Variants in PUS7 observed in about 807,000 individuals in gnomAD.
PUS7 encodes the protein pseudouridylate synthase 7 homolog.
In PUS7, 48 loss-of-function variants were observed where a neutral mutation model predicts 79.8. That is an observed-to-expected ratio of 0.60 (90% CI 0.48 to 0.76). The LOEUF is 0.76. Among genes scored for constraint, PUS7 ranks in the 30% least tolerant of loss-of-function variants. PUS7 has a pLI of 0.00. For synonymous variants in PUS7, 286 were observed against 272.2 expected (o/e 1.05, Z -0.50); for missense variants, 729 against 797.6 (o/e 0.91, Z 1.04).
At chr7:105,479,861 G>T (rs1228175161) in intron 9 of PUS7, among the ~76,000 whole-genome samples, 4 of 151,958 alleles carry the variant, frequency 2.6e-5, no homozygotes, top group African/African-American at 9.7e-5. Context: ...AGCTGGGTGA[G>T]GTGGTGCATG....
intron 9 of PUS7, among the ~76,000 whole-genome samples, chr7:105,479,431 C>T (rs746503582): frequency 2.6e-5 from 4 of 152,152 alleles, no homozygotes; most frequent in Admixed American, 6.6e-5. Flanking sequence ...AGTTTGCTAA[C>T]ATGAAGGGTC....
intron 2 of PUS7, among the ~76,000 whole-genome samples, chr7:105,506,855 C>T (rs149558064): frequency 6.6e-6 from 1 of 152,034 alleles, no homozygotes; most frequent in African/African-American, 2.4e-5. Context: ...TTAACATTAC[C>T]CTATGACGAT....
intron 7 of PUS7, among the ~76,000 whole-genome samples, chr7:105,487,127 A>G (rs923852529): frequency 3.3e-5 from 5 of 152,160 alleles, no homozygotes; most frequent in Non-Finnish European, 7.3e-5. Context: ...AACTGTTATA[A>G]AGTGTACATG....
In PUS7 at chr7:105,472,124, A is replaced by G; in HGVS notation, c.1237+8T>C. 4 of 1,578,740 alleles carry G rather than the reference A, an allele frequency of 2.5e-6. No individual in the cohort carries two copies. The South Asian group carries it at 4.5e-5, about 18-fold the overall frequency. ...TATTTATTTTCTTAACATGAATTTT[A>G]TTCTCACCTCCAGAGCGGGGTTTCA... On this transcript the variant is annotated splice_region_variant and intron_variant, in intron 10 of 15. Coordinates refer to ENST00000469408, the MANE Select transcript of PUS7 (RefSeq NM_019042.5).
chr7:105,491,869 C>A (rs1441167475), intron 6 of PUS7, among the ~76,000 whole-genome samples: 1 of 151,838 alleles, frequency 6.6e-6, no homozygotes, highest in Admixed American at 6.6e-5. Flanking sequence ...CCAGCCTAAC[C>A]AATATGGTGA....
chr7:105,508,101 T>G lies in PUS7; in HGVS notation c.398+14A>C. 1 of 1,594,666 alleles carries G rather than the reference T, an allele frequency of 6.3e-7. No individual in the cohort carries two copies. The highest frequency in any genetic ancestry group is 8.5e-7 in the Non-Finnish European group (1 of 1,170,860). ...AATACAATCAAAATAACTTTATTCA[T>G]AAACTAAATGTACCTTTCTTTTAAG... On this transcript the variant is annotated intron_variant, in intron 2 of 15. Transcript: ENST00000469408.
chr7:105,463,966 G>T (rs937167428), intron 13 of PUS7, among the ~76,000 whole-genome samples: 1 of 152,082 alleles, frequency 6.6e-6, no homozygotes. Flanking sequence ...GCTAGAACAG[G>T]TCCCTCACCA....
chr7:105,458,936 T>C (rs371441572), intron 15 of PUS7, among the ~76,000 whole-genome samples: 3 of 152,114 alleles, frequency 2.0e-5, no homozygotes, highest in East Asian at 1.9e-4. Flanking sequence ...TGGGGAGAAA[T>C]ACTCCATCAC....
In PUS7 at chr7:105,458,287, G is replaced by C. The variant is rs563347936; in HGVS notation, c.1850-361C>G. Among the ~76,000 whole-genome samples the C allele has an allele frequency of 5.3e-5, 8 of 152,158 alleles. No homozygotes were observed. In the East Asian group the frequency reaches 1.5e-3, roughly 29 times the overall value. On this transcript the variant is annotated intron_variant, in intron 15 of 15. Transcript: ENST00000469408. Reference sequence around the variant, plus strand: ...TTAATTAATTTTTTTTTGAGACAGAGTCTTGTTATGTTGCCCAGACTGGAG... The same window carrying C: ...TTAATTAATTTTTTTTTGAGACAGACTCTTGTTATGTTGCCCAGACTGGAG...
chr7:105,515,073 C>T (rs1317064928), intron 1 of PUS7, among the ~76,000 whole-genome samples: 5 of 152,286 alleles, frequency 3.3e-5, no homozygotes, highest in East Asian at 3.9e-4. Flanking sequence ...GGATTACAGG[C>T]GTGAGCCACC....
At chr7:105,496,222 T>TAGAGAG (rs1203551594) in intron 5 of PUS7, among the ~76,000 whole-genome samples, 859 of 84,930 alleles carry the variant, frequency 0.01, 4 homozygotes, top group Middle Eastern at 0.02. Context: ...TATATATATA[T>TAGAGAG]ATATAGAGAG....
intron 14 of PUS7, 133 bp from the exon 15 acceptor site, chr7:105,459,392 A>G: frequency 2.1e-6 from 1 of 473,296 alleles, no homozygotes; most frequent in Admixed American, 4.1e-5. Context: ...AATCTTGAAT[A>G]ATATAGCAGG....
chr7:105,458,364 G>T (rs907197204), intron 15 of PUS7, among the ~76,000 whole-genome samples: 1 of 151,546 alleles, frequency 6.6e-6, no homozygotes, highest in Non-Finnish European at 1.5e-5. Context: ...GGGTTGAAGC[G>T]ATTCTCCTGC....
At chr7:105,502,706 TTA>T (rs1177672361) in intron 4 of PUS7, 142 bp from the exon 5 acceptor site, 4 of 964,832 alleles carry the variant, frequency 4.1e-6, no homozygotes, top group Non-Finnish European at 6.0e-6. Context: ...CAAAAATCTT[TTA>T]TTTTTATTTT....
chr7:105,460,080 A>G (rs1823356421), intron 14 of PUS7, among the ~76,000 whole-genome samples: 1 of 152,052 alleles, frequency 6.6e-6, no homozygotes, highest in Non-Finnish European at 1.5e-5. Flanking sequence ...CTGGGACTAC[A>G]GGCGCCCGCC....
intron 14 of PUS7, among the ~76,000 whole-genome samples, 158 bp from the exon 15 acceptor site, chr7:105,459,417 CTAA>C (rs1418739130): frequency 6.6e-6 from 1 of 151,490 alleles, no homozygotes; most frequent in Non-Finnish European, 1.5e-5. Flanking sequence ...GATTTTATAC[CTAA>C]GTTTTGCTTA....
At position 105,510,798 on chromosome 7, in the gene PUS7, A is replaced by G. The variant is rs181470956; in HGVS notation, c.-32-2254T>C. Among the ~76,000 whole-genome samples, 19 of 152,222 alleles carry G rather than the reference A, an allele frequency of 1.2e-4. No homozygotes were observed. The East Asian group carries it at 3.1e-3, about 25-fold the overall frequency. On this transcript the variant is annotated intron_variant, in intron 1 of 15. Coordinates refer to ENST00000469408, the MANE Select transcript of PUS7 (RefSeq NM_019042.5). ...CCAAAGTGCTGGGATTTCAGGCATG[A>G]GCCACCGTGTCTGGTCTAATTTGAT...
intron 4 of PUS7, among the ~76,000 whole-genome samples, chr7:105,505,293 G>A (rs773543849): frequency 4.6e-5 from 7 of 152,162 alleles, no homozygotes; most frequent in Non-Finnish European, 8.8e-5. Flanking sequence ...GTGAGCCACC[G>A]TGCCCGGCGA....
In PUS7 at chr7:105,511,441, TTAAA is replaced by T. The variant is rs1487112656; in HGVS notation, c.-32-2901_-32-2898del. On this transcript the variant is annotated intron_variant, in intron 1 of 15. Coordinates refer to ENST00000469408, the MANE Select transcript of PUS7 (RefSeq NM_019042.5). ...TGTACATTTAAGAATAAATTTTCAT[TTAAA>T]AAAAAAAAAAAAAAGTGGTTGGGTA... Among the ~76,000 whole-genome samples, 428 of 145,846 alleles carry T rather than the reference TTAAA, an allele frequency of 2.9e-3. 1 individual carries two copies. Among genetic ancestry groups the T allele is most frequent in the African/African-American group, 9.6e-3 (369 of 38,474 alleles).
Sources: gnomAD v4.1 joint callset for allele counts (sites outside exome capture counted in the v4.1 genomes callset) on GRCh38, gnomAD v4.1.1 for gene constraint, MANE v1.5 for transcripts, NCBI Gene and HGNC (gene_info 2026-07-23, HGNC 2026-07-21) for gene names.